The following DPP6 variants were observed in gnomAD, a reference collection of about 807,000 sequenced individuals.
DPP6 encodes the protein dipeptidyl peptidase like 6.
In DPP6, 69 loss-of-function variants were observed where a neutral mutation model predicts 122.6. The ratio of observed to expected loss-of-function variants is 0.56; its 90% confidence interval spans 0.46 to 0.69. DPP6 has a LOEUF of 0.69. Ranked by LOEUF, DPP6 falls within the 30% of genes least tolerant of loss-of-function variation. The pLI is 0.00. For synonymous variants in DPP6, 418 were observed against 433.1 expected (o/e 0.97, Z 0.43); for missense variants, 928 against 1,116.9 (o/e 0.83, Z 2.41).
At chr7:154,211,782 C>T (rs1280476587) in intron 1 of DPP6, among the ~76,000 whole-genome samples, 1 of 152,202 alleles carries the variant, frequency 6.6e-6, no homozygotes, top group Non-Finnish European at 1.5e-5. Context: ...TCAGCTGGCT[C>T]TCCTCTGTGT....
chr7:154,206,911 C>A (rs1799478030), intron 1 of DPP6, among the ~76,000 whole-genome samples: 1 of 152,202 alleles, frequency 6.6e-6, no homozygotes, highest in African/African-American at 2.4e-5. Context: ...GCCCAGTCTT[C>A]TTTCAGACAT....
At chr7:154,074,973 C>T (rs527594325) in intron 1 of DPP6, among the ~76,000 whole-genome samples, 7,893 of 150,532 alleles carry the variant, frequency 0.052, 274 homozygotes, top group Non-Finnish European at 0.085. Flanking sequence ...AACAAATAAT[C>T]CCATCAAAAA....
At chr7:154,212,441 A>G (rs1799790075) in intron 1 of DPP6, among the ~76,000 whole-genome samples, 1 of 152,202 alleles carries the variant, frequency 6.6e-6, no homozygotes, top group African/African-American at 2.4e-5. Context: ...TAAATAATTA[A>G]CATTGAGAAT....
At chr7:154,065,443 TC>T (rs1802635079) in intron 1 of DPP6, among the ~76,000 whole-genome samples, 1 of 150,870 alleles carries the variant, frequency 6.6e-6, no homozygotes, top group Admixed American at 6.6e-5. Context: ...ATTCCAGCAT[TC>T]CCCCCAGTAA....
chr7:154,781,600 A>G (rs561048191), intron 10 of DPP6, among the ~76,000 whole-genome samples: 92 of 152,324 alleles, frequency 6.0e-4, no homozygotes, highest in African/African-American at 2.1e-3. Flanking sequence ...AGCATACTCA[A>G]ATGTGGAACT....
At chr7:154,714,260 T>G (rs891026833) in intron 7 of DPP6, among the ~76,000 whole-genome samples, 3 of 152,196 alleles carry the variant, frequency 2.0e-5, no homozygotes, top group African/African-American at 7.2e-5. Flanking sequence ...TTTCCTGTCT[T>G]CTTCTGAGCC....
chr7:154,830,000 T>C (rs1477433745), intron 16 of DPP6, among the ~76,000 whole-genome samples: 1 of 152,198 alleles, frequency 6.6e-6, no homozygotes, highest in Admixed American at 6.5e-5. Context: ...GCTGCCGTTC[T>C]CACCACCCGA....
In DPP6 at chr7:153,981,254, G is replaced by A. The variant is rs189681872; in HGVS notation, c.51+93520G>A. Reference sequence around the variant, plus strand: ...CCTGTATTGGGTGCATACATATTTAGGATAGTTAGCTCTTCTTGTTGCATT... The same window carrying A: ...CCTGTATTGGGTGCATACATATTTAAGATAGTTAGCTCTTCTTGTTGCATT... On this transcript the variant is annotated intron_variant, in intron 1 of 25. Transcript: ENST00000404039. 2.9e-3 allele frequency among the ~76,000 whole-genome samples: 448 copies of A among 152,260 alleles called. 1 individual carries two copies. The highest frequency in any genetic ancestry group is 9.8e-3 in the African/African-American group (407 of 41,552).
intron 1 of DPP6, among the ~76,000 whole-genome samples, chr7:154,348,298 TACTG>T (rs1304621179): frequency 2.6e-5 from 4 of 152,254 alleles, no homozygotes; most frequent in African/African-American, 7.2e-5. Flanking sequence ...GTGGCAGACT[TACTG>T]ACAGTTCAGT....
intron 5 of DPP6, chr7:154,587,886 C>T (rs1348285063): frequency 1.2e-6 from 2 of 1,612,874 alleles, no homozygotes; most frequent in Non-Finnish European, 1.7e-6. Flanking sequence ...CATGGAGACC[C>T]TGGCTGGAGG....
At chr7:154,485,012 G>A (rs904166049) in intron 3 of DPP6, among the ~76,000 whole-genome samples, 1 of 152,024 alleles carries the variant, frequency 6.6e-6, no homozygotes, top group African/African-American at 2.4e-5. Context: ...GGGAATTCAA[G>A]TTTAAAATGG....
At chr7:154,587,772 G>A (rs1425768840) in intron 5 of DPP6, 8 of 1,604,474 alleles carry the variant, frequency 5.0e-6, no homozygotes, top group Middle Eastern at 1.7e-4. Flanking sequence ...ACATCACCAT[G>A]TCTCTTCCTC....
intron 1 of DPP6, among the ~76,000 whole-genome samples, chr7:154,335,051 A>G (rs200067163): frequency 2.4e-5 from 1 of 41,624 alleles, no homozygotes; most frequent in African/African-American, 1.2e-4. Flanking sequence ...TGATGATTTC[A>G]GTTTTTTCAA....
chr7:154,801,573 T>TTTC, intron 13 of DPP6, 111 bp downstream of exon 13: 1 of 1,413,336 alleles, frequency 7.1e-7, no homozygotes, highest in Non-Finnish European at 9.3e-7. Flanking sequence ...CCAAGGAATC[T>TTTC]GAAGGTGGTT....
chr7:154,575,645 T>G, intron 5 of DPP6, among the ~76,000 whole-genome samples: 2 of 134,654 alleles, frequency 1.5e-5, no homozygotes, highest in Non-Finnish European at 3.2e-5. Context: ...GTGTGTGGTG[T>G]GTTTTTGTGT....
intron 16 of DPP6, among the ~76,000 whole-genome samples, chr7:154,830,442 A>G (rs1800544348): frequency 6.6e-6 from 1 of 152,254 alleles, no homozygotes; most frequent in African/African-American, 2.4e-5. Flanking sequence ...CAGTTCTGAA[A>G]GGTAGATTGA....
the DPP6 span, among the ~76,000 whole-genome samples, chr7:153,754,575 A>G: frequency 6.6e-6 from 1 of 152,230 alleles, no homozygotes; most frequent in Admixed American, 6.5e-5. Flanking sequence ...TTGAATCTTT[A>G]AATGCACCAT....
intron 1 of DPP6, among the ~76,000 whole-genome samples, chr7:154,442,875 G>T (rs12540569): frequency 0.19 from 29,157 of 152,060 alleles, 3,979 homozygotes; most frequent in African/African-American, 0.39. Context: ...CCTGTGCCTT[G>T]TTGGCCGCTC....
chr7:154,286,099 T>C (rs1804829412), intron 1 of DPP6, among the ~76,000 whole-genome samples: 1 of 152,232 alleles, frequency 6.6e-6, no homozygotes, highest in Non-Finnish European at 1.5e-5. Context: ...GTTTGTGTGT[T>C]GTTCATTAGA....
Sources: allele counts gnomAD v4.1 joint callset (sites outside exome capture counted in the v4.1 genomes callset), GRCh38; gene constraint gnomAD v4.1.1; transcripts MANE v1.5; gene names NCBI Gene and HGNC (gene_info 2026-07-23, HGNC 2026-07-21).